The following C4orf50 variants were observed in gnomAD, a reference collection of about 807,000 sequenced individuals.
C4orf50 encodes uncharacterized protein C4orf50.
In C4orf50, 80 loss-of-function variants were observed where a neutral mutation model predicts 77.2. The ratio of observed to expected loss-of-function variants is 1.04; its 90% CI spans 0.87 to 1.25. C4orf50 has a LOEUF of 1.25. Ranked by LOEUF, C4orf50 falls within the 50% of genes most tolerant of loss-of-function variation. C4orf50 has a pLI of 0.00. For missense variants in C4orf50, 1,257 were observed against 1,152.9 expected (o/e 1.09, Z -1.31); for synonymous variants, 532 against 465.3 (o/e 1.14, Z -1.84).
At chr4:5,999,573 C>T (rs1199639501) in intron 25 of C4orf50, among the ~76,000 whole-genome samples, 1 of 152,170 alleles carries the variant, frequency 6.6e-6, no homozygotes, top group African/African-American at 2.4e-5. Flanking sequence ...TTCCTTTTCC[C>T]GTGGGCAGTG....
intron 28 of C4orf50, among the ~76,000 whole-genome samples, chr4:5,982,541 A>T (rs1720648362): frequency 6.6e-6 from 1 of 152,192 alleles, no homozygotes; most frequent in South Asian, 2.1e-4. Flanking sequence ...GATGACCTGA[A>T]GGGGGCACTG....
exon 28 of C4orf50, chr4:5,988,422 C>T: frequency 6.2e-7 from 1 of 1,610,050 alleles, no homozygotes. Flanking sequence ...CCTCTTTCTC[C>T]AAATGTGCTT....
chr4:5,938,647 A>C (rs1718133304), intron 7 of C4orf50, among the ~76,000 whole-genome samples: 2 of 152,136 alleles, frequency 1.3e-5, no homozygotes, highest in African/African-American at 2.4e-5. Flanking sequence ...TTAATCTCCA[A>C]GTCTCAGATA....
rs181703071 is a variant in C4orf50 at position 6,015,272 on chromosome 4, C to T, written c.287+2873G>A. Among the ~76,000 whole-genome samples, 6 of 152,090 alleles carry T rather than the reference C, an allele frequency of 3.9e-5. No individual in the cohort carries two copies. The highest frequency in any genetic ancestry group is 8.8e-5 in the Non-Finnish European group (6 of 68,010). On this transcript the variant is annotated intron_variant, in intron 23 of 33. Coordinates refer to ENST00000531445, the Ensembl canonical transcript of C4orf50. This position sits in a 1 kb window ranked among gnomAD's most constrained non-coding sequence, Gnocchi z 4.4. ...TTGAAAGAAAGTCATGAGCGTGGGC[C>T]CAGATCCAATCCGACTGGGGTCCTT... is the stretch of plus-strand genomic sequence containing the variant.
intron 7 of C4orf50, among the ~76,000 whole-genome samples, chr4:5,946,512 G>A (rs1287834347): frequency 3.3e-5 from 5 of 152,100 alleles, no homozygotes; most frequent in African/African-American, 1.2e-4. Flanking sequence ...AACATTCTAT[G>A]TCCTTGTACT....
chr4:5,933,337 C>T (rs1237821497), intron 7 of C4orf50, among the ~76,000 whole-genome samples: 1 of 152,220 alleles, frequency 6.6e-6, no homozygotes, highest in Non-Finnish European at 1.5e-5. Context: ...GGGAAAAGAT[C>T]CAAGGTCCCG....
intron 7 of C4orf50, among the ~76,000 whole-genome samples, chr4:5,949,011 CT>C (rs1274441588): frequency 2.6e-5 from 4 of 151,432 alleles, no homozygotes; most frequent in Middle Eastern, 3.2e-3. Context: ...ACATTTGCCC[CT>C]GATGGAAGAA....
intron 30 of C4orf50, among the ~76,000 whole-genome samples, chr4:5,975,304 A>C (rs538475228): frequency 6.6e-6 from 1 of 152,212 alleles, no homozygotes; most frequent in East Asian, 1.9e-4. Context: ...TCACCCCAGC[A>C]TGAAAAGTGC....
chr4:5,981,273 G>A (rs1056073822), intron 28 of C4orf50, among the ~76,000 whole-genome samples: 1 of 152,072 alleles, frequency 6.6e-6, no homozygotes, highest in African/African-American at 2.4e-5. Flanking sequence ...TGAACACTCG[G>A]ATTATTCTAA....
intron 33 of C4orf50, among the ~76,000 whole-genome samples, chr4:5,959,846 G>C (rs1438795940): frequency 6.6e-6 from 1 of 152,232 alleles, no homozygotes; most frequent in Non-Finnish European, 1.5e-5. Flanking sequence ...GTCAGAAAAT[G>C]AGATTGGGGC....
In C4orf50 at chr4:5,959,767, C is replaced by T. The variant is rs955129195; in HGVS notation, c.4276-141G>A. The T allele has an allele frequency of 9.3e-6, 9 of 966,912 alleles. No homozygotes were observed. In the Admixed American group the frequency reaches 2.3e-4, roughly 24 times the overall value. 59.9% of individuals were successfully genotyped at this position (966,912 alleles called of 1,614,324 possible). ...CTTTCTGTGCCTGGCACCAAATACT[C>T]CTCACACATTGGCTCACTTCCTTTG... On this transcript the variant is annotated intron_variant, in intron 33 of 33. Coordinates refer to ENST00000531445, the Ensembl canonical transcript of C4orf50.
chr4:5,915,466 G>C (rs531005205), intron 7 of C4orf50, among the ~76,000 whole-genome samples: 90 of 152,348 alleles, frequency 5.9e-4, no homozygotes, highest in African/African-American at 2.0e-3. Context: ...CTCTCAGGTA[G>C]GAATGACCAT....
At chr4:5,899,811 C>T (rs1159989441) in intron 7 of C4orf50, 2 of 152,338 alleles carry the variant, frequency 1.3e-5, no homozygotes, top group East Asian at 3.9e-4. Context: ...AACTTGATTT[C>T]AGTGGCCTGG....
At chr4:5,918,236 G>T (rs937020541) in intron 7 of C4orf50, among the ~76,000 whole-genome samples, 10 of 152,142 alleles carry the variant, frequency 6.6e-5, no homozygotes, top group Non-Finnish European at 1.5e-4. Context: ...CAGAAAGAAC[G>T]TCAGCCAGTT....
intron 7 of C4orf50, chr4:5,902,530 A>G (rs1716385009): frequency 1.3e-5 from 2 of 152,194 alleles, no homozygotes; most frequent in South Asian, 4.1e-4. Flanking sequence ...CTTGTTAAGA[A>G]GTAGCATTTG....
At chr4:6,016,517 C>T (rs1467907380) in intron 23 of C4orf50, among the ~76,000 whole-genome samples, 1 of 152,148 alleles carries the variant, frequency 6.6e-6, no homozygotes, top group Non-Finnish European at 1.5e-5. Flanking sequence ...TCACTTCACT[C>T]CAGCCTGGGT....
In C4orf50 at chr4:5,915,759, T is replaced by C. The variant is rs186001885; in HGVS notation, c.*2475-17571A>G. ...AACACGTGCTCGTTTCAATAGGATG[T>C]GTCCTGTTTCTTGCAGCTAAGCATC... On this transcript the variant is annotated intron_variant, in intron 7 of 7. Coordinates refer to the C4orf50 transcript ENST00000324058. 2.2e-3 allele frequency among the ~76,000 whole-genome samples: 335 copies of C among 152,330 alleles called. 3 individuals carry two copies. Among genetic ancestry groups the C allele is most frequent in the Non-Finnish European group, 3.8e-3 (260 of 68,032 alleles).
chr4:5,994,394 C>T (rs564531305), exon 26 of C4orf50: 21 of 399,328 alleles, frequency 5.3e-5, no homozygotes, highest in East Asian at 4.6e-4. Context: ...CAGGGAGTTC[C>T]GCCAGTCTTG....
chr4:5,998,728 G>A (rs189551867), intron 25 of C4orf50, among the ~76,000 whole-genome samples: 2 of 152,226 alleles, frequency 1.3e-5, no homozygotes, highest in African/African-American at 4.8e-5. Context: ...GTAGTGTCAT[G>A]GTTTGCACCT....
Sources: gnomAD v4.1 joint callset for allele counts (sites outside exome capture counted in the v4.1 genomes callset) on GRCh38, gnomAD v4.1.1 for gene constraint, Gnocchi (gnomAD v3.1) non-coding constraint, MANE v1.5 for transcripts, NCBI Gene and HGNC (gene_info 2026-07-23, HGNC 2026-07-21) for gene names.